CEP162: variants seen among roughly 807,000 people sequenced by gnomAD.
The protein encoded by CEP162 is centrosomal protein 162.
In CEP162, 141 loss-of-function variants were observed where a neutral mutation model predicts 169.2. That is an observed-to-expected ratio of 0.83 (90% CI 0.73 to 0.96). CEP162 has a LOEUF of 0.96. CEP162 is among the 40% of genes least tolerant of loss of function. The probability of loss-of-function intolerance (pLI) is 0.00; values close to 1 mark genes in which losing one functional copy is unlikely to be tolerated. For missense variants in CEP162, 1,600 were observed against 1,587.2 expected, an observed-to-expected ratio of 1.01 and a Z score of -0.14; for synonymous variants, 540 against 526.4, an observed-to-expected ratio of 1.03 and a Z score of -0.35.
In CEP162 at chr6:84,188,956, T is replaced by C. The variant is rs559722203; in HGVS notation, c.1110-2333A>G. Among the ~76,000 whole-genome samples, 11 of 152,138 alleles carry C rather than the reference T, an allele frequency of 7.2e-5. No homozygotes were observed. The South Asian group carries it at 1.7e-3, about 23-fold the overall frequency. ...GGCATGAGATGGCATCTCATTGTGG[T>C]TTAATTTGTATTTCTCTAATGATTA... On this transcript the variant is annotated intron_variant, in intron 11 of 26. Transcript: ENST00000403245.
Position 84,215,982 on chromosome 6 carries a change from T to C in CEP162, c.173-60A>G, listed in dbSNP as rs2099551405. The C allele has an allele frequency of 4.1e-6, 6 of 1,458,276 alleles. No individual in the cohort carries two copies. In the African/African-American group the frequency reaches 5.8e-5, roughly 14 times the overall value. 90.3% of individuals were successfully genotyped at this position (1,458,276 alleles called of 1,614,324 possible). ...GTTCAAAGAATTGTTTTGGCCACTA[T>C]GACAACACAATAATAATGTTATGCT... On this transcript the variant is annotated intron_variant, in intron 3 of 26. Coordinates refer to ENST00000403245, the MANE Select transcript of CEP162 (RefSeq NM_014895.4).
intron 22 of CEP162, among the ~76,000 whole-genome samples, chr6:84,154,791 T>C (rs2099522516): frequency 6.6e-6 from 1 of 152,196 alleles, no homozygotes; most frequent in East Asian, 1.9e-4. Flanking sequence ...TCCTGTTTCA[T>C]ACTTGGTCTG....
At chr6:84,194,655 T>C (rs1237002743) in intron 10 of CEP162, among the ~76,000 whole-genome samples, 7 of 152,066 alleles carry the variant, frequency 4.6e-5, no homozygotes, top group Non-Finnish European at 8.8e-5. Context: ...GGTTTCACCA[T>C]GTTGCCCAGG....
At chr6:84,143,716 G>A (rs1487921447) in intron 25 of CEP162, among the ~76,000 whole-genome samples, 3 of 151,956 alleles carry the variant, frequency 2.0e-5, no homozygotes, top group Non-Finnish European at 4.4e-5. Context: ...TTTTAAAAAT[G>A]AGCCTTAATG....
At chr6:84,204,750 C>T (rs1455124372) in intron 6 of CEP162, among the ~76,000 whole-genome samples, 1 of 152,006 alleles carries the variant, frequency 6.6e-6, no homozygotes, top group East Asian at 1.9e-4. Context: ...GAAGGAGATA[C>T]AAACACAAAA....
At chr6:84,218,636 TG>T (rs2099552491) in intron 3 of CEP162, among the ~76,000 whole-genome samples, 1 of 152,216 alleles carries the variant, frequency 6.6e-6, no homozygotes, top group Non-Finnish European at 1.5e-5. Flanking sequence ...ATATCACTTT[TG>T]GTAGGAGGAA....
intron 22 of CEP162, among the ~76,000 whole-genome samples, chr6:84,154,277 T>G (rs1348044427): frequency 1.3e-5 from 2 of 152,078 alleles, no homozygotes; most frequent in Non-Finnish European, 2.9e-5. Flanking sequence ...TTATAATCAT[T>G]AATTGTTTGC....
intron 13 of CEP162, among the ~76,000 whole-genome samples, chr6:84,176,615 G>C: frequency 6.6e-6 from 1 of 152,244 alleles, no homozygotes; most frequent in Middle Eastern, 3.4e-3. Flanking sequence ...TCAACATGAC[G>C]CTCATAGAAA....
At chr6:84,145,899 T>C (rs1364760011) in intron 25 of CEP162, among the ~76,000 whole-genome samples, 1 of 152,258 alleles carries the variant, frequency 6.6e-6, no homozygotes, top group Non-Finnish European at 1.5e-5. Context: ...GTATACAGAC[T>C]ACTCCTACCA....
intron 21 of CEP162, among the ~76,000 whole-genome samples, chr6:84,156,223 TAAACTC>T (rs2099523096): frequency 6.6e-6 from 1 of 152,046 alleles, no homozygotes. Flanking sequence ...TATACAAAAA[TAAACTC>T]AAGATGCTTT....
At chr6:84,193,569 A>G in intron 11 of CEP162, 40 bp downstream of exon 11, 2 of 1,264,148 alleles carry the variant, frequency 1.6e-6, no homozygotes, top group Non-Finnish European at 2.2e-6. Context: ...AATGACTATA[A>G]AAGTTTCCAA....
intron 22 of CEP162, 75 bp from the exon 23 acceptor site, chr6:84,153,254 G>C: frequency 7.5e-7 from 1 of 1,339,276 alleles, no homozygotes; most frequent in Non-Finnish European, 1.0e-6. Flanking sequence ...GCACACTACT[G>C]GGTCCTACCT....
intron 3 of CEP162, among the ~76,000 whole-genome samples, chr6:84,217,556 T>C (rs1038288422): frequency 6.6e-6 from 1 of 152,000 alleles, no homozygotes; most frequent in African/African-American, 2.4e-5. Context: ...AAGAGAAAGG[T>C]AGTCTAAGTT....
At chr6:84,152,181 T>A (rs1433062372) in intron 23 of CEP162, among the ~76,000 whole-genome samples, 5 of 152,206 alleles carry the variant, frequency 3.3e-5, no homozygotes, top group Admixed American at 1.3e-4. Context: ...GCTTTAACAA[T>A]AACTGTTTTC....
chr6:84,158,693 A>C (rs1397699582), intron 21 of CEP162, among the ~76,000 whole-genome samples: 4 of 152,160 alleles, frequency 2.6e-5, no homozygotes, highest in Non-Finnish European at 4.4e-5. Flanking sequence ...ATGAAAATAC[A>C]TGTATACATA....
At chr6:84,188,514 A>C (rs115159294) in intron 11 of CEP162, among the ~76,000 whole-genome samples, 3,994 of 152,258 alleles carry the variant, frequency 0.026, 162 homozygotes, top group African/African-American at 0.092. Context: ...TAGTTTGCTT[A>C]GGACAATGGC....
intron 8 of CEP162, 141 bp downstream of exon 8, chr6:84,201,596 T>C: frequency 1.7e-6 from 1 of 573,176 alleles, no homozygotes. Flanking sequence ...AGAAACACAT[T>C]ATTGAGAAAA....
chr6:84,157,174 A>G (rs2099523550), intron 21 of CEP162, among the ~76,000 whole-genome samples: 1 of 152,222 alleles, frequency 6.6e-6, no homozygotes, highest in African/African-American at 2.4e-5. Flanking sequence ...AAAATAAAGC[A>G]ATTTAATGCA....
chr6:84,188,179 A>G (rs1278587339), intron 11 of CEP162, among the ~76,000 whole-genome samples: 1 of 152,206 alleles, frequency 6.6e-6, no homozygotes, highest in Admixed American at 6.5e-5. Flanking sequence ...CTGCAAATAA[A>G]CGCAGAGAAA....
Sources: allele counts gnomAD v4.1 joint callset (sites outside exome capture counted in the v4.1 genomes callset), GRCh38; gene constraint gnomAD v4.1.1; transcripts MANE v1.5; gene names NCBI Gene and HGNC (gene_info 2026-07-23, HGNC 2026-07-21).